The following STXBP5L variants were observed in gnomAD, a reference collection of about 807,000 sequenced individuals.
The protein encoded by STXBP5L is syntaxin binding protein 5L.
Under a neutral mutation model 144.5 loss-of-function variants are expected in STXBP5L, and 65 were observed. That is an observed-to-expected ratio of 0.45 (90% confidence interval 0.37 to 0.55). The LOEUF (loss-of-function observed/expected upper bound fraction) is 0.55. Among genes scored for constraint, STXBP5L ranks in the 20% least tolerant of loss-of-function variants. The pLI, the probability that STXBP5L is intolerant of heterozygous loss-of-function variation, is 0.00. For synonymous variants in STXBP5L, 505 were observed against 469.6 expected (o/e 1.08, Z -0.97); for missense variants, 1,298 against 1,405.5 (o/e 0.92, Z 1.22).
chr3:121,138,415 T>A (rs1450247462), intron 7 of STXBP5L, among the ~76,000 whole-genome samples: 1 of 152,064 alleles, frequency 6.6e-6, no homozygotes, highest in Admixed American at 6.6e-5. Context: ...CACCACAAAG[T>A]TTGTATGGAA....
intron 20 of STXBP5L, among the ~76,000 whole-genome samples, chr3:121,345,410 G>A (rs1046026463): frequency 3.9e-5 from 6 of 152,046 alleles, no homozygotes; most frequent in East Asian, 1.9e-4. Flanking sequence ...GCCTATCATC[G>A]ATGGACATTT....
At chr3:121,149,845 T>A (rs988123683) in intron 7 of STXBP5L, among the ~76,000 whole-genome samples, 4 of 152,116 alleles carry the variant, frequency 2.6e-5, no homozygotes, top group African/African-American at 9.6e-5. Context: ...GGCTCATTAT[T>A]TTTAATTCTG....
At chr3:121,062,576 C>T (rs141008248) in intron 5 of STXBP5L, among the ~76,000 whole-genome samples, 73 of 152,298 alleles carry the variant, frequency 4.8e-4, no homozygotes, top group African/African-American at 1.7e-3. Flanking sequence ...TGGGGAAGTT[C>T]TCCTGGATAA....
chr3:121,313,093 A>AC (rs1208461941), intron 19 of STXBP5L, among the ~76,000 whole-genome samples: 15 of 127,056 alleles, frequency 1.2e-4, no homozygotes, highest in Non-Finnish European at 1.8e-4. Context: ...CGGGGGGCTG[A>AC]CCCCCCCACC....
chr3:121,082,664 C>T lies in STXBP5L; in HGVS notation c.471-32261C>T, dbSNP rs534008192. On this transcript the variant is annotated intron_variant, in intron 5 of 26. Coordinates refer to ENST00000471454, the MANE Select transcript of STXBP5L (RefSeq NM_001308330.2). ...GGAGTACATGTGTAAGCAGGAGGGA[C>T]ATGACAGTGTGTGTGTATATATACA... is the stretch of plus-strand genomic sequence containing the variant. Among the ~76,000 whole-genome samples the T allele has an allele frequency of 9.9e-5, 15 of 152,274 alleles. No homozygotes were observed. The South Asian group carries it at 2.9e-3, about 29-fold the overall frequency.
chr3:121,065,073 T>TTA (rs5852261), intron 5 of STXBP5L, among the ~76,000 whole-genome samples: 14,973 of 150,478 alleles, frequency 0.1, 1,168 homozygotes, highest in Admixed American at 0.2. Flanking sequence ...GGTTGTGATT[T>TTA]TTTTTTTTTA....
intron 2 of STXBP5L, among the ~76,000 whole-genome samples, chr3:120,935,812 G>C (rs1418326645): frequency 6.6e-6 from 1 of 151,498 alleles, no homozygotes; most frequent in African/African-American, 2.4e-5. Flanking sequence ...CTTTGTCTTT[G>C]ATCTTCTGTA....
intron 2 of STXBP5L, among the ~76,000 whole-genome samples, chr3:120,944,180 C>CT (rs150455653): frequency 0.12 from 17,855 of 149,672 alleles, 1,102 homozygotes; most frequent in Non-Finnish European, 0.14. Context: ...AAAGAGAATC[C>CT]TTTTTTTTTC....
At chr3:120,992,009 T>C (rs952036248) in intron 3 of STXBP5L, among the ~76,000 whole-genome samples, 2 of 152,164 alleles carry the variant, frequency 1.3e-5, no homozygotes, top group Non-Finnish European at 2.9e-5. Flanking sequence ...AATTAATATT[T>C]ATATGGTATA....
chr3:121,338,979 T>A (rs2044610378), intron 20 of STXBP5L, among the ~76,000 whole-genome samples: 2 of 152,090 alleles, frequency 1.3e-5, no homozygotes, highest in Non-Finnish European at 2.9e-5. Context: ...ATTCAAAGAA[T>A]TGGCGCCAAT....
intron 5 of STXBP5L, among the ~76,000 whole-genome samples, chr3:121,078,877 C>A (rs1421374927): frequency 1.3e-5 from 2 of 152,378 alleles, no homozygotes; most frequent in East Asian, 3.9e-4. Flanking sequence ...CATGCCCACC[C>A]AGAACTCCAG....
At chr3:121,240,281 C>T (rs1203284439) in intron 13 of STXBP5L, among the ~76,000 whole-genome samples, 159 bp from the exon 14 acceptor site, 2 of 152,056 alleles carry the variant, frequency 1.3e-5, no homozygotes, top group African/African-American at 4.8e-5. Flanking sequence ...GGTGTTTGTT[C>T]AATGAAAGAA....
intron 22 of STXBP5L, among the ~76,000 whole-genome samples, chr3:121,406,384 T>A (rs1476218160): frequency 1.3e-5 from 2 of 152,112 alleles, no homozygotes; most frequent in Non-Finnish European, 2.9e-5. Flanking sequence ...TGAGACATTA[T>A]CAGTCTAAGC....
At chr3:121,262,614 C>T (rs904298593) in intron 18 of STXBP5L, among the ~76,000 whole-genome samples, 1 of 151,912 alleles carries the variant, frequency 6.6e-6, no homozygotes, top group African/African-American at 2.4e-5. Context: ...CAGAGTGAAA[C>T]TCCATCTCAA....
intron 18 of STXBP5L, among the ~76,000 whole-genome samples, chr3:121,265,442 T>C (rs1010419245): frequency 6.6e-6 from 1 of 152,142 alleles, no homozygotes; most frequent in African/African-American, 2.4e-5. Context: ...AGACACAACG[T>C]ACCAGAATCT....
chr3:121,316,370 C>A (rs1319924639), intron 19 of STXBP5L, among the ~76,000 whole-genome samples: 1 of 152,094 alleles, frequency 6.6e-6, no homozygotes, highest in Admixed American at 6.5e-5. Context: ...TGGTATTTTC[C>A]AGACAAATGA....
At position 121,399,474 on chromosome 3, in the gene STXBP5L, T is replaced by C. The variant is rs141152790; in HGVS notation, c.2588-7769T>C. 3.6e-3 allele frequency among the ~76,000 whole-genome samples: 555 copies of C among 152,270 alleles called. 4 individuals are homozygous for C. The highest frequency in any genetic ancestry group is 5.6e-3 in the Non-Finnish European group (379 of 68,016). ...GTGAAGAAGGAAATCAGGGATCTCA[T>C]AGCCTTCAGAGCTGAGAGCCCTGAA... On this transcript the variant is annotated intron_variant, in intron 22 of 26. Coordinates refer to ENST00000471454, the MANE Select transcript of STXBP5L (RefSeq NM_001308330.2).
intron 3 of STXBP5L, among the ~76,000 whole-genome samples, chr3:121,001,109 C>T (rs1461717283): frequency 2.0e-5 from 3 of 152,218 alleles, no homozygotes; most frequent in Admixed American, 6.5e-5. Flanking sequence ...TGCCCACATG[C>T]ATGTGCTGGG....
At chr3:121,355,734 C>T (rs1253779555) in intron 20 of STXBP5L, among the ~76,000 whole-genome samples, 5 of 152,092 alleles carry the variant, frequency 3.3e-5, no homozygotes, top group Non-Finnish European at 5.9e-5. Flanking sequence ...CTGTTACTGG[C>T]GAGGAGCTGC....
Sources: gnomAD v4.1 joint callset for allele counts (sites outside exome capture counted in the v4.1 genomes callset) on GRCh38, gnomAD v4.1.1 for gene constraint, MANE v1.5 for transcripts, NCBI Gene and HGNC (gene_info 2026-07-23, HGNC 2026-07-21) for gene names.